The following AFF2 variants were observed in gnomAD, a reference collection of about 807,000 sequenced individuals.
AFF2 encodes the protein AF4/FMR2 family member 2.
AFF2 carries 14 observed loss-of-function variants against 76.9 expected under a neutral mutation model. That is an observed-to-expected ratio of 0.18 (90% CI 0.12 to 0.28). AFF2 has a LOEUF of 0.28. Ranked by LOEUF, AFF2 falls within the 10% of genes least tolerant of loss-of-function variation. AFF2 has a pLI of 1.00. For synonymous variants in AFF2, 398 were observed against 366.7 expected, an observed-to-expected ratio of 1.09 and a Z score of -0.98; for missense variants, 868 against 1,001.1, an observed-to-expected ratio of 0.87 and a Z score of 1.79.
At chrX:148,851,188 A>G (rs781951090) in intron 7 of AFF2, among the ~76,000 whole-genome samples, 21 of 112,054 alleles carry the variant, frequency 1.9e-4, no homozygotes, top group Non-Finnish European at 3.6e-4. Context: ...AGTTGCTTAA[A>G]GCCCCTCCAT....
At chrX:148,792,753 G>T (rs1193763612) in intron 3 of AFF2, among the ~76,000 whole-genome samples, 1 of 112,079 alleles carries the variant, frequency 8.9e-6, no homozygotes, top group Non-Finnish European at 1.9e-5. Context: ...TGCCTAATTA[G>T]GGAACCCCAT....
rs1241930900 is a variant in AFF2 at position 148,736,290 on chromosome X, A to AT, written c.1041+73528dup. ...CCATGCCAACATCTACTGTTTTTTG[A>AT]TTTTTTGATCATGGCCATTCTTGCA... On this transcript the variant is annotated intron_variant, in intron 3 of 20. Transcript: ENST00000370460. 2.2e-4 allele frequency among the ~76,000 whole-genome samples: 25 copies of AT among 111,383 alleles called. 1 individual carries two copies. The Admixed American group carries it at 2.4e-3, about 11-fold the overall frequency.
At chrX:148,587,909 C>T (rs1349105329) in intron 1 of AFF2, among the ~76,000 whole-genome samples, 1 of 112,454 alleles carries the variant, frequency 8.9e-6, no homozygotes, top group African/African-American at 3.2e-5. Flanking sequence ...ACTGTTTGCC[C>T]GTAGTAGATG....
chrX:148,886,769 C>G (rs2071164902), intron 8 of AFF2, among the ~76,000 whole-genome samples: 1 of 112,382 alleles, frequency 8.9e-6, no homozygotes, highest in South Asian at 3.7e-4. Context: ...GAAGGATTGC[C>G]TTTCTTTAAA....
chrX:148,648,561 CAAAAAAAAAAAAAA>C (rs1241628949), intron 1 of AFF2, among the ~76,000 whole-genome samples: 6 of 23,057 alleles, frequency 2.6e-4, no homozygotes. Context: ...AAAACTCCGT[CAAAAAAAAAAAAAA>C]AAAAAAAAAA....
intron 9 of AFF2, among the ~76,000 whole-genome samples, chrX:148,915,851 A>G (rs925109586): frequency 2.7e-5 from 3 of 112,782 alleles, no homozygotes; most frequent in African/African-American, 9.7e-5. Context: ...ACACTCACAT[A>G]TAATTTAAGC....
chrX:148,896,746 G>A (rs781974664), intron 8 of AFF2, among the ~76,000 whole-genome samples: 16 of 111,245 alleles, frequency 1.4e-4, no homozygotes, highest in Non-Finnish European at 3.0e-4. Flanking sequence ...ACCAGGACAT[G>A]CTACAGAGCC....
intron 8 of AFF2, among the ~76,000 whole-genome samples, chrX:148,887,314 A>T (rs1557279206): frequency 8.9e-6 from 1 of 111,888 alleles, no homozygotes; most frequent in Non-Finnish European, 1.9e-5. Context: ...CATTTCCAAA[A>T]ATTGTCATTT....
At chrX:148,626,307 T>C (rs1261516145) in intron 1 of AFF2, among the ~76,000 whole-genome samples, 6 of 110,299 alleles carry the variant, frequency 5.4e-5, no homozygotes, top group Non-Finnish European at 1.1e-4. Flanking sequence ...TTTACTCTCC[T>C]GGTGCGAGTT....
At chrX:148,829,111 T>C (rs1401651451) in intron 4 of AFF2, among the ~76,000 whole-genome samples, 3 of 112,517 alleles carry the variant, frequency 2.7e-5, no homozygotes, top group Non-Finnish European at 5.6e-5. Flanking sequence ...ATTCCATTAT[T>C]TATTTGAAGA....
At chrX:148,542,981 G>A (rs2052876517) in intron 1 of AFF2, among the ~76,000 whole-genome samples, 1 of 111,832 alleles carries the variant, frequency 8.9e-6, no homozygotes, top group African/African-American at 3.3e-5. Context: ...TCTGAAACCA[G>A]TTGGCCTTAC....
In AFF2 at chrX:148,558,627, C is replaced by T. The variant is rs573710088; in HGVS notation, c.47+57483C>T. On this transcript the variant is annotated intron_variant, in intron 1 of 20. Coordinates refer to ENST00000370460, the MANE Select transcript of AFF2 (RefSeq NM_002025.4). ...ATAAGAAAAGAGACAGAAAAGGAAG[C>T]GCCAAACAAAACCACCTTTTGGTAA... Among the ~76,000 whole-genome samples, 16 of 111,484 alleles carry T rather than the reference C, an allele frequency of 1.4e-4. No homozygotes were observed. In the South Asian group the frequency reaches 3.4e-3, roughly 24 times the overall value.
intron 1 of AFF2, among the ~76,000 whole-genome samples, chrX:148,581,009 C>CACACAAACATGTGTATACA (rs1569551571): frequency 8.8e-5 from 3 of 34,190 alleles, no homozygotes; most frequent in African/African-American, 2.9e-4. Flanking sequence ...TATGCACCTC[C>CACACAAACATGTGTATACA]TACACACAAA....
At chrX:148,695,124 G>T (rs2054703737) in intron 3 of AFF2, among the ~76,000 whole-genome samples, 1 of 111,453 alleles carries the variant, frequency 9.0e-6, no homozygotes, top group Non-Finnish European at 1.9e-5. Flanking sequence ...CCTTCATAAA[G>T]CACATTTTTA....
chrX:148,531,716 C>G (rs1427590987), intron 1 of AFF2, among the ~76,000 whole-genome samples: 1 of 112,099 alleles, frequency 8.9e-6, no homozygotes, highest in African/African-American at 3.2e-5. Flanking sequence ...TATACAGCAT[C>G]TATCTGTCTA....
chrX:148,833,613 AAAT>A (rs2070483299), intron 4 of AFF2, among the ~76,000 whole-genome samples: 1 of 110,137 alleles, frequency 9.1e-6, no homozygotes, highest in South Asian at 3.9e-4. Flanking sequence ...AAAAAAAAAA[AAAT>A]AAAAAATAAA....
intron 3 of AFF2, among the ~76,000 whole-genome samples, chrX:148,686,823 G>A (rs1157954595): frequency 2.7e-5 from 3 of 111,364 alleles, no homozygotes; most frequent in Non-Finnish European, 5.7e-5. Flanking sequence ...TGTTAGTGCT[G>A]TTTAGACCAG....
intron 1 of AFF2, among the ~76,000 whole-genome samples, chrX:148,600,310 C>T (rs1451332939): frequency 2.7e-5 from 3 of 111,273 alleles, no homozygotes; most frequent in South Asian, 3.8e-4. Flanking sequence ...GACAGCTTGG[C>T]GAGACAGATG....
intron 9 of AFF2, among the ~76,000 whole-genome samples, chrX:148,918,300 T>A (rs186628638): frequency 8.9e-6 from 1 of 112,658 alleles, no homozygotes; most frequent in East Asian, 2.8e-4. Context: ...ACATGCACAT[T>A]GAATGTTTTA....
Sources: gnomAD v4.1 joint callset for allele counts (sites outside exome capture counted in the v4.1 genomes callset) on GRCh38, gnomAD v4.1.1 for gene constraint, MANE v1.5 for transcripts, NCBI Gene and HGNC (gene_info 2026-07-23, HGNC 2026-07-21) for gene names.